RIMBP2: variants seen among roughly 807,000 people sequenced by gnomAD.
RIMBP2 encodes the protein RIMS-binding protein 2.
In RIMBP2, 48 loss-of-function variants were observed where a neutral mutation model predicts 118.6. The ratio of observed to expected loss-of-function variants is 0.40; its 90% CI spans 0.32 to 0.51. RIMBP2 has a LOEUF of 0.51. Among genes scored for constraint, RIMBP2 ranks in the 20% least tolerant of loss-of-function variants. RIMBP2 has a pLI of 0.41. For synonymous variants in RIMBP2, 762 were observed against 742.9 expected, an observed-to-expected ratio of 1.03 and a Z score of -0.42; for missense variants, 1,551 against 1,768.3, an observed-to-expected ratio of 0.88 and a Z score of 2.20.
intron 1 of RIMBP2, among the ~76,000 whole-genome samples, chr12:130,631,250 G>T (rs755416007): frequency 6.6e-6 from 1 of 152,148 alleles, no homozygotes; most frequent in African/African-American, 2.4e-5. Context: ...GCCATACAAC[G>T]AAAGGGATGT....
intron 2 of RIMBP2, among the ~76,000 whole-genome samples, chr12:130,579,205 A>G (rs2058295645): frequency 6.6e-6 from 1 of 152,124 alleles, no homozygotes; most frequent in African/African-American, 2.4e-5. Context: ...TTGGATCAGG[A>G]GGGCTTATCC....
chr12:130,522,721 G>T (rs977418150), intron 2 of RIMBP2, among the ~76,000 whole-genome samples: 1 of 152,118 alleles, frequency 6.6e-6, no homozygotes, highest in African/African-American at 2.4e-5. Context: ...AGAGGAGGAG[G>T]AGGTGGGTTT....
At position 130,646,440 on chromosome 12, in the gene RIMBP2, TTGC is replaced by T. The variant is rs1566423608; in HGVS notation, c.-351-17987_-351-17985del. Among the ~76,000 whole-genome samples the T allele has an allele frequency of 4.1e-4, 46 of 111,174 alleles. 11 individuals carry two copies. The highest frequency in any genetic ancestry group is 6.5e-4 in the Admixed American group (6 of 9,274). The allele number at this position is 111,174 out of a possible 152,430, so 72.9% of individuals were successfully genotyped here. A position where few individuals can be genotyped will look rare whatever the true frequency, so the allele number is the denominator to read the frequency against. On this transcript the variant is annotated intron_variant, in intron 1 of 22. Coordinates refer to ENST00000690449, the MANE Select transcript of RIMBP2 (RefSeq NM_001393629.1). ...CTCACCACTTCCCTCTCCACCTCCC[TTGC>T]CACCTCCCTCGCCACCTCCCTCGCT...
Position 130,620,480 on chromosome 12 carries a change from G to A in RIMBP2, c.-217+7842C>T, listed in dbSNP as rs575092589. Among the ~76,000 whole-genome samples, 39 of 152,276 alleles carry A rather than the reference G, an allele frequency of 2.6e-4. No homozygotes were observed. The highest frequency in any genetic ancestry group is 8.9e-4 in the African/African-American group (37 of 41,562). On this transcript the variant is annotated intron_variant, in intron 2 of 22. Transcript: ENST00000690449. This position sits in a 1 kb window ranked among gnomAD's most constrained non-coding sequence, Gnocchi z 5.3. ...CTCACGTTAGTTTCCTCCAGCCGCC[G>A]TGACAAAGTACGACAAGCCAGGAGG...
chr12:130,419,070 G>A lies in RIMBP2; in HGVS notation c.3238+3383C>T, dbSNP rs772125464. 1.3e-5 allele frequency among the ~76,000 whole-genome samples: 2 copies of A among 152,210 alleles called. No individual in the cohort carries two copies. Among genetic ancestry groups the A allele is most frequent in the Non-Finnish European group, 2.9e-5 (2 of 68,042 alleles). On this transcript the variant is annotated intron_variant, in intron 17 of 22. Coordinates refer to ENST00000690449, the MANE Select transcript of RIMBP2 (RefSeq NM_001393629.1). This position sits in a 1 kb window ranked among gnomAD's most constrained non-coding sequence, Gnocchi z 4.3. ...ACTCCACCGTATGTTCTTCCAGAGAGGATGCACTGGATGTGTTATGAGCAC... is the reference window on the plus strand; with the variant it reads ...ACTCCACCGTATGTTCTTCCAGAGAAGATGCACTGGATGTGTTATGAGCAC...
At chr12:130,676,924 T>C (rs1288370017) in intron 1 of RIMBP2, among the ~76,000 whole-genome samples, 1 of 152,126 alleles carries the variant, frequency 6.6e-6, no homozygotes, top group South Asian at 2.1e-4. Flanking sequence ...GGAAAAAGCC[T>C]GTGGCTTAGT....
chr12:130,675,466 C>A (rs1429313231), intron 1 of RIMBP2, among the ~76,000 whole-genome samples: 1 of 152,168 alleles, frequency 6.6e-6, no homozygotes, highest in Non-Finnish European at 1.5e-5. Context: ...TGGGTTCCTG[C>A]CTCCCCTTCT....
At chr12:130,690,240 C>A (rs1002093991) in intron 1 of RIMBP2, among the ~76,000 whole-genome samples, 1 of 152,158 alleles carries the variant, frequency 6.6e-6, no homozygotes, top group Non-Finnish European at 1.5e-5. Flanking sequence ...TCTCAGGGCC[C>A]ACCATGCCCT....
intron 11 of RIMBP2, among the ~76,000 whole-genome samples, chr12:130,438,877 C>G (rs1414034345): frequency 6.6e-6 from 1 of 152,126 alleles, no homozygotes; most frequent in Non-Finnish European, 1.5e-5. Context: ...GGCAGCCACA[C>G]GATTAGCTCA....
chr12:130,436,377 G>A (rs915495914), intron 13 of RIMBP2, among the ~76,000 whole-genome samples: 4 of 152,168 alleles, frequency 2.6e-5, no homozygotes, highest in Non-Finnish European at 4.4e-5. Flanking sequence ...ATACAGATAC[G>A]TGTATCTATG....
At chr12:130,483,867 T>C (rs1412429124) in intron 4 of RIMBP2, among the ~76,000 whole-genome samples, 22 of 111,558 alleles carry the variant, frequency 2.0e-4, no homozygotes, top group Admixed American at 6.2e-4. Context: ...GCCCCCACCC[T>C]CACCTACACA....
In RIMBP2 at chr12:130,657,766, C is replaced by T. The variant is rs2063490946; in HGVS notation, c.-351-29310G>A. ...GGGCAGTGAGGGCGGAGGATGGAGC[C>T]CCAGCGCACTGGGCCCCAGGTCCCG... On this transcript the variant is annotated intron_variant, in intron 1 of 22. Transcript: ENST00000690449. The T allele has an allele frequency of 1.3e-5, 2 of 151,186 alleles. 1 individual carries two copies. The highest frequency in any genetic ancestry group is 4.9e-5 in the African/African-American group (2 of 41,154). The allele number at this position is 151,186 out of a possible 1,614,324, so 9.4% of individuals were successfully genotyped here. A position where few individuals can be genotyped will look rare whatever the true frequency, so the allele number is the denominator to read the frequency against.
At chr12:130,550,080 A>G (rs908068494) in intron 2 of RIMBP2, among the ~76,000 whole-genome samples, 3 of 152,202 alleles carry the variant, frequency 2.0e-5, no homozygotes, top group East Asian at 3.8e-4. Context: ...CTCACTGAGT[A>G]CACGCTGTTG....
At chr12:130,543,542 G>A (rs538561828) in intron 2 of RIMBP2, among the ~76,000 whole-genome samples, 16 of 152,240 alleles carry the variant, frequency 1.1e-4, no homozygotes, top group African/African-American at 3.6e-4. Context: ...TGAGCTTGGG[G>A]ACTCAAAGCT....
chr12:130,519,494 T>C (rs889163379), intron 2 of RIMBP2, among the ~76,000 whole-genome samples: 1 of 152,264 alleles, frequency 6.6e-6, no homozygotes, highest in African/African-American at 2.4e-5. Context: ...TGAGATGGTC[T>C]GGATGGCATA....
intron 21 of RIMBP2, among the ~76,000 whole-genome samples, chr12:130,403,707 T>G (rs2074877805): frequency 1.3e-5 from 2 of 152,212 alleles, no homozygotes; most frequent in Non-Finnish European, 2.9e-5. Flanking sequence ...TTTCTTAGTT[T>G]ATTTGGTAAT....
In RIMBP2 at chr12:130,670,345, G is replaced by A. The variant is rs528255246; in HGVS notation, c.-351-41889C>T. ...ACGTTCTAGGAAGGCATGGAGAAGC[G>A]GATCTTCCCGGCAGCCACCAGCGTG... On this transcript the variant is annotated intron_variant, in intron 1 of 22. Transcript: ENST00000690449. This position sits in a 1 kb window ranked among gnomAD's most constrained non-coding sequence, Gnocchi z 4.9. Among the ~76,000 whole-genome samples, 7 of 152,272 alleles carry A rather than the reference G, an allele frequency of 4.6e-5. No individual in the cohort carries two copies. The highest frequency in any genetic ancestry group is 1.9e-4 in the East Asian group (1 of 5,178).
intron 1 of RIMBP2, among the ~76,000 whole-genome samples, chr12:130,676,640 A>G (rs1186298716): frequency 3.3e-5 from 5 of 152,048 alleles, no homozygotes; most frequent in Non-Finnish European, 7.4e-5. Flanking sequence ...AAAAGAAAAA[A>G]GAAAAGAAAA....
intron 2 of RIMBP2, among the ~76,000 whole-genome samples, chr12:130,624,467 G>A (rs1158356199): frequency 6.6e-6 from 1 of 152,170 alleles, no homozygotes; most frequent in Non-Finnish European, 1.5e-5. Flanking sequence ...TTTACACCAA[G>A]ACGTGTGTGT....
Sources: gnomAD v4.1 joint callset for allele counts (sites outside exome capture counted in the v4.1 genomes callset) on GRCh38, gnomAD v4.1.1 for gene constraint, Gnocchi (gnomAD v3.1) non-coding constraint, MANE v1.5 for transcripts, NCBI Gene and HGNC (gene_info 2026-07-23, HGNC 2026-07-21) for gene names.